Variants in LRRIQ1 observed in about 807,000 individuals in gnomAD.
The protein encoded by LRRIQ1 is leucine rich repeats and IQ motif containing 1, also known as leucine-rich repeat- and IQ domain-containing protein 1.
Under a neutral mutation model 211.9 loss-of-function variants are expected in LRRIQ1, and 210 were observed. That is an observed-to-expected ratio of 0.99 (90% CI 0.89 to 1.11). The LOEUF is 1.11. Among genes scored for constraint, LRRIQ1 ranks in the 50% most tolerant of loss-of-function variants. The pLI is 0.00. For missense variants in LRRIQ1, 2,136 were observed against 1,939.5 expected (o/e 1.10, Z -1.90); for synonymous variants, 699 against 650.1 (o/e 1.08, Z -1.14).
At chr12:85,047,649 T>C in intron 6 of LRRIQ1, 179 bp downstream of exon 6, 1 of 525,996 alleles carries the variant, frequency 1.9e-6, no homozygotes, top group Non-Finnish European at 3.4e-6. Context: ...TTAGTTTTTA[T>C]TGAAATTCAT....
At chr12:85,169,201 A>G (rs1891292201) in intron 24 of LRRIQ1, among the ~76,000 whole-genome samples, 3 of 152,180 alleles carry the variant, frequency 2.0e-5, no homozygotes, top group Admixed American at 2.0e-4. Flanking sequence ...ATCTGCCTGC[A>G]TTTGCAAGGA....
intron 24 of LRRIQ1, among the ~76,000 whole-genome samples, chr12:85,167,491 C>A (rs886772075): frequency 6.6e-6 from 1 of 151,968 alleles, no homozygotes; most frequent in Non-Finnish European, 1.5e-5. Context: ...GTCCAAGAGT[C>A]CAAAAGCTGA....
At chr12:85,211,086 C>CT (rs1893815679) in intron 24 of LRRIQ1, among the ~76,000 whole-genome samples, 1 of 152,136 alleles carries the variant, frequency 6.6e-6, no homozygotes, top group Non-Finnish European at 1.5e-5. Flanking sequence ...GTGAGTAAAA[C>CT]TTTTTCTTTC....
chr12:85,162,279 T>C (rs1012170389), intron 24 of LRRIQ1, among the ~76,000 whole-genome samples: 1 of 152,178 alleles, frequency 6.6e-6, no homozygotes, highest in African/African-American at 2.4e-5. Flanking sequence ...AGAATTAAAA[T>C]ATATTCCCAA....
At chr12:85,068,208 G>A (rs541006544) in intron 10 of LRRIQ1, among the ~76,000 whole-genome samples, 9 of 151,894 alleles carry the variant, frequency 5.9e-5, no homozygotes, top group South Asian at 2.1e-4. Context: ...TGAAATACTG[G>A]GCTCCCAGAG....
intron 25 of LRRIQ1, among the ~76,000 whole-genome samples, chr12:85,231,305 A>G (rs1028451997): frequency 3.3e-5 from 5 of 152,208 alleles, no homozygotes; most frequent in African/African-American, 1.2e-4. Context: ...AATCATATGG[A>G]AATGAAAATA....
chr12:85,233,533 T>G (rs1895048128), intron 26 of LRRIQ1, among the ~76,000 whole-genome samples: 1 of 152,126 alleles, frequency 6.6e-6, no homozygotes. Context: ...TTAGCTTGGC[T>G]TATAGAATTT....
chr12:85,220,772 C>T (rs1894363512), intron 24 of LRRIQ1, among the ~76,000 whole-genome samples: 1 of 150,104 alleles, frequency 6.7e-6, no homozygotes, highest in Non-Finnish European at 1.5e-5. Flanking sequence ...TTAGGTATAT[C>T]TCCTAATGCT....
At chr12:85,046,186 T>A (rs1879553990) in intron 5 of LRRIQ1, 49 bp downstream of exon 5, 1 of 1,117,436 alleles carries the variant, frequency 8.9e-7, no homozygotes, top group African/African-American at 1.6e-5. Context: ...ATATGATTGA[T>A]CATAGTTATT....
At chr12:85,046,923 G>A (rs1879660446) in intron 5 of LRRIQ1, among the ~76,000 whole-genome samples, 1 of 148,732 alleles carries the variant, frequency 6.7e-6, no homozygotes, top group African/African-American at 2.5e-5. Flanking sequence ...AAAACCGCAT[G>A]TTCTCACTCA....
At position 85,233,687 on chromosome 12, in the gene LRRIQ1, G is replaced by A. The variant is rs61930055; in HGVS notation, c.5016+931G>A. Among the ~76,000 whole-genome samples, 796 of 152,226 alleles carry A rather than the reference G, an allele frequency of 5.2e-3. 1 individual carries two copies. Among genetic ancestry groups the A allele is most frequent in the South Asian group, 0.011 (51 of 4,824 alleles). ...TTAAGGTAGTCGCTAGCTAAATTGCGTGTGTTTTGGAAAATATTTTTGGAA... is the reference window on the plus strand; with the variant it reads ...TTAAGGTAGTCGCTAGCTAAATTGCATGTGTTTTGGAAAATATTTTTGGAA... On this transcript the variant is annotated intron_variant, in intron 26 of 26. Coordinates refer to ENST00000393217, the MANE Select transcript of LRRIQ1 (RefSeq NM_001079910.2).
At chr12:85,048,682 T>C (rs1228905359) in intron 6 of LRRIQ1, 2 of 152,202 alleles carry the variant, frequency 1.3e-5, no homozygotes, top group African/African-American at 4.8e-5. Flanking sequence ...CCTTTAGTTA[T>C]GTTTTCTTTC....
In LRRIQ1 at chr12:85,241,296, A is replaced by G. The variant is rs572367033; in HGVS notation, c.5017-3493A>G. ...ACGGCATGTACATTATGTCTTTTAA[A>G]TATTTAAAGTGCCTTCCCTACCCAC... On this transcript the variant is annotated intron_variant, in intron 26 of 26. Coordinates refer to ENST00000393217, the MANE Select transcript of LRRIQ1 (RefSeq NM_001079910.2). 2.0e-5 allele frequency among the ~76,000 whole-genome samples: 3 copies of G among 152,084 alleles called. No individual in the cohort carries two copies. In the South Asian group the frequency reaches 6.2e-4, roughly 32 times the overall value.
exon 2 of LRRIQ1, chr12:85,264,134 T>C (rs1896374101): frequency 6.6e-6 from 1 of 152,092 alleles, no homozygotes; most frequent in East Asian, 1.9e-4. Flanking sequence ...GAGATACTTG[T>C]ATTAATTTGT....
At chr12:85,166,296 C>T (rs1469600983) in intron 24 of LRRIQ1, among the ~76,000 whole-genome samples, 1 of 152,116 alleles carries the variant, frequency 6.6e-6, no homozygotes, top group East Asian at 1.9e-4. Flanking sequence ...TCCTCCATTC[C>T]CTGGGACAAT....
chr12:85,187,267 G>C (rs1231976447), intron 24 of LRRIQ1, among the ~76,000 whole-genome samples: 1 of 152,096 alleles, frequency 6.6e-6, no homozygotes, highest in East Asian at 1.9e-4. Flanking sequence ...CTAGGATCAA[G>C]ATAATGTGGA....
At chr12:85,239,961 G>C (rs181137529) in intron 26 of LRRIQ1, among the ~76,000 whole-genome samples, 29 of 152,078 alleles carry the variant, frequency 1.9e-4, no homozygotes, top group Admixed American at 5.9e-4. Flanking sequence ...CTGGGCAACA[G>C]AGCAAGACCC....
chr12:85,263,601 A>G, exon 2 of LRRIQ1: 1 of 151,978 alleles, frequency 6.6e-6, no homozygotes, highest in East Asian at 1.9e-4. Flanking sequence ...TAAAATGTAT[A>G]GTCAGTTTAA....
chr12:85,044,731 A>G lies in LRRIQ1; in HGVS notation c.258A>G (p.Gly86=). ...TTCTTTCTCTAGGCTGTAGTTATGG[A>G]GCAGTTTCTAATAATCATATGCATT... ...EDTDILSCSY[G]AVSNNHMHLR... is the part of the protein sequence containing the mutation. The change falls in exon 4 of 27, where the codon GGA becomes GGG. Residue 86 remains glycine, a synonymous_variant. Transcript: ENST00000393217. 3 of 1,551,216 alleles carry G rather than the reference A, an allele frequency of 1.9e-6. No individual in the cohort carries two copies. The highest frequency in any genetic ancestry group is 2.7e-6 in the Non-Finnish European group (3 of 1,127,888).
Sources: allele counts gnomAD v4.1 joint callset (sites outside exome capture counted in the v4.1 genomes callset), GRCh38; gene constraint gnomAD v4.1.1; transcripts MANE v1.5; gene names NCBI Gene and HGNC (gene_info 2026-07-23, HGNC 2026-07-21).